The following TNIK variants were observed in gnomAD, a reference collection of about 807,000 sequenced individuals.
TNIK encodes the protein TRAF2 and NCK-interacting protein kinase.
Under a neutral mutation model 191.3 loss-of-function variants are expected in TNIK, and 49 were observed. The observed-to-expected ratio is 0.26, with a 90% CI of 0.20 to 0.32. The LOEUF (loss-of-function observed/expected upper bound fraction) is 0.32, where lower values mean the gene tolerates loss of function less well. Ranked by LOEUF, TNIK falls within the 10% of genes least tolerant of loss-of-function variation. The pLI, the probability that TNIK is intolerant of heterozygous loss-of-function variation, is 1.00. For synonymous variants in TNIK, 594 were observed against 600.9 expected (o/e 0.99, Z 0.17); for missense variants, 1,155 against 1,702.3 (o/e 0.68, Z 5.66).
At chr3:171,129,842 CA>C (rs1729006657) in intron 15 of TNIK, among the ~76,000 whole-genome samples, 3 of 152,336 alleles carry the variant, frequency 2.0e-5, no homozygotes, top group South Asian at 4.1e-4. Flanking sequence ...CTTAGATAAA[CA>C]AGGTGCGCAC....
At chr3:171,443,507 T>C (rs1014252185) in intron 1 of TNIK, among the ~76,000 whole-genome samples, 1 of 152,126 alleles carries the variant, frequency 6.6e-6, no homozygotes, top group African/African-American at 2.4e-5. Flanking sequence ...TCATTCATTG[T>C]CCCATCTAGA....
At position 171,063,923 on chromosome 3, in the gene TNIK, C is replaced by T; in HGVS notation, c.4041G>A (p.Val1347=). 6.2e-7 allele frequency: 1 copy of T among 1,613,832 alleles called. No homozygotes were observed. The highest frequency in any genetic ancestry group is 8.5e-7 in the Non-Finnish European group (1 of 1,179,772). ...AATTTCTGTTGAGGGTCATGAAAAA[C>T]ACTTGGCTACTTCCTCCAGATCGCA... is the stretch of plus-strand genomic sequence containing the variant. The part of the protein sequence containing the change: ...ASVRSGGSSQ[V]FFMTLNRNSM... The change falls in exon 33 of 33, where the codon GTG becomes GTA. Residue 1347 remains valine (V), a synonymous_variant. Transcript: ENST00000436636.
At chr3:171,192,897 T>G (rs1211466872) in intron 5 of TNIK, among the ~76,000 whole-genome samples, 3 of 152,170 alleles carry the variant, frequency 2.0e-5, no homozygotes, top group Admixed American at 2.0e-4. Context: ...AAACATATAA[T>G]TTATATTTTT....
chr3:171,258,073 T>C (rs1315835067), intron 2 of TNIK, among the ~76,000 whole-genome samples: 1 of 152,100 alleles, frequency 6.6e-6, no homozygotes, highest in Non-Finnish European at 1.5e-5. Context: ...ACAGTGATGA[T>C]GGATGCCCTG....
intron 2 of TNIK, among the ~76,000 whole-genome samples, chr3:171,255,803 C>A (rs1376905791): frequency 6.6e-6 from 1 of 152,154 alleles, no homozygotes; most frequent in Admixed American, 6.5e-5. Flanking sequence ...CAGAAACATT[C>A]TTCTGTTTGG....
intron 1 of TNIK, among the ~76,000 whole-genome samples, chr3:171,374,608 C>T (rs1358785076): frequency 6.6e-6 from 1 of 152,158 alleles, no homozygotes; most frequent in African/African-American, 2.4e-5. Context: ...AGATCTTAAC[C>T]TTTGCTGGGA....
intron 20 of TNIK, among the ~76,000 whole-genome samples, chr3:171,107,728 T>C (rs1484093068): frequency 6.6e-6 from 1 of 152,158 alleles, no homozygotes; most frequent in Non-Finnish European, 1.5e-5. Context: ...TTAGAGAAGT[T>C]CATAGAAAGT....
At chr3:171,328,114 C>T (rs1264104301) in intron 2 of TNIK, among the ~76,000 whole-genome samples, 2 of 152,018 alleles carry the variant, frequency 1.3e-5, no homozygotes, top group Non-Finnish European at 2.9e-5. Flanking sequence ...GAGATGCGGC[C>T]TTTGGGAGAT....
intron 5 of TNIK, 37 bp downstream of exon 5, chr3:171,194,488 A>G: frequency 1.3e-6 from 2 of 1,570,256 alleles, no homozygotes; most frequent in Non-Finnish European, 1.7e-6. Flanking sequence ...TTGCTTGAAG[A>G]CTTTGGGAGG....
chr3:171,123,473 A>C, intron 18 of TNIK, 123 bp downstream of exon 18: 2 of 660,350 alleles, frequency 3.0e-6, no homozygotes, highest in Non-Finnish European at 2.4e-6. Flanking sequence ...CAACGTTTAT[A>C]GTGCACATGG....
At chr3:171,282,341 GTTTTTTT>G (rs869305605) in intron 2 of TNIK, among the ~76,000 whole-genome samples, 1 of 79,950 alleles carries the variant, frequency 1.3e-5, no homozygotes, top group African/African-American at 4.5e-5. Flanking sequence ...ATGGTTTTTT[GTTTTTTT>G]TTTTTTTTTT....
intron 2 of TNIK, among the ~76,000 whole-genome samples, chr3:171,260,694 A>C (rs555308821): frequency 3.9e-4 from 60 of 152,308 alleles, no homozygotes; most frequent in African/African-American, 1.4e-3. Context: ...TTTTTAGCTA[A>C]ATTTTCAGTT....
Position 171,218,923 on chromosome 3 carries a change from TTA to T in TNIK, c.181-7684_181-7683del, listed in dbSNP as rs533152415. Among the ~76,000 whole-genome samples the T allele has an allele frequency of 6.9e-3, 921 of 134,230 alleles. 8 individuals are homozygous for T. The highest frequency in any genetic ancestry group is 0.023 in the African/African-American group (828 of 35,984). The allele number at this position is 134,230 out of a possible 152,430, so 88.1% of individuals were successfully genotyped here. ...ACATATTTATATTAAATATATATTT[TTA>T]TATGTTTTATATATATTTAATATAT... On this transcript the variant is annotated intron_variant, in intron 3 of 32. Transcript: ENST00000436636.
intron 2 of TNIK, among the ~76,000 whole-genome samples, chr3:171,275,882 G>A (rs1749679616): frequency 6.6e-6 from 1 of 151,508 alleles, no homozygotes; most frequent in Non-Finnish European, 1.5e-5. Flanking sequence ...GGGCGACAGA[G>A]CGCGACTCCG....
chr3:171,386,874 G>T (rs1416251913), intron 1 of TNIK, among the ~76,000 whole-genome samples: 3 of 152,088 alleles, frequency 2.0e-5, no homozygotes, highest in Non-Finnish European at 4.4e-5. Context: ...CCACTCCAGG[G>T]TTTCTCAGTT....
chr3:171,267,826 G>C (rs746838669), intron 2 of TNIK, among the ~76,000 whole-genome samples: 1 of 152,168 alleles, frequency 6.6e-6, no homozygotes, highest in African/African-American at 2.4e-5. Context: ...TGTGAAACTC[G>C]TTCATTTATT....
At chr3:171,158,450 G>C (rs1733520984) in intron 11 of TNIK, among the ~76,000 whole-genome samples, 1 of 152,216 alleles carries the variant, frequency 6.6e-6, no homozygotes, top group Non-Finnish European at 1.5e-5. Flanking sequence ...TGGTGGTCCT[G>C]GGCTGCCCTG....
At chr3:171,341,635 C>T (rs570720615) in intron 2 of TNIK, among the ~76,000 whole-genome samples, 14 of 151,530 alleles carry the variant, frequency 9.2e-5, no homozygotes, top group Admixed American at 5.9e-4. Flanking sequence ...AGGCATTATG[C>T]GGAAACAAAA....
intron 21 of TNIK, among the ~76,000 whole-genome samples, chr3:171,105,265 G>A (rs1231906434): frequency 6.6e-6 from 1 of 152,150 alleles, no homozygotes; most frequent in Non-Finnish European, 1.5e-5. Context: ...TTATGGCCCT[G>A]TTGACATTTT....
Sources: gnomAD v4.1 joint callset for allele counts (sites outside exome capture counted in the v4.1 genomes callset) on GRCh38, gnomAD v4.1.1 for gene constraint, MANE v1.5 for transcripts, NCBI Gene and HGNC (gene_info 2026-07-23, HGNC 2026-07-21) for gene names.